The following PRKAR1B variants were observed in gnomAD, a reference collection of about 807,000 sequenced individuals.
PRKAR1B encodes the protein cAMP-dependent protein kinase type I-beta regulatory subunit.
In PRKAR1B, 22 loss-of-function variants were observed where a neutral mutation model predicts 46.5. That is an observed-to-expected ratio of 0.47 (90% CI 0.34 to 0.68). PRKAR1B has a LOEUF of 0.68. PRKAR1B is among the 30% of genes least tolerant of loss of function. The probability of loss-of-function intolerance (pLI) is 0.01; values close to 1 mark genes in which losing one functional copy is unlikely to be tolerated. For synonymous variants in PRKAR1B, 259 were observed against 217.7 expected (o/e 1.19, Z -1.67); for missense variants, 445 against 535.6 (o/e 0.83, Z 1.67).
At chr7:691,294 C>T (rs575448631) in intron 2 of PRKAR1B, among the ~76,000 whole-genome samples, 4 of 152,226 alleles carry the variant, frequency 2.6e-5, no homozygotes, top group African/African-American at 4.8e-5. Context: ...GGTTTCCATC[C>T]GTGAAATGAG....
intron 2 of PRKAR1B, among the ~76,000 whole-genome samples, chr7:690,721 G>A (rs1003040198): frequency 1.3e-5 from 2 of 152,212 alleles, no homozygotes; most frequent in African/African-American, 4.8e-5. Context: ...TGCACACCCA[G>A]AAGACGGGGC....
chr7:673,415 C>T (rs1251031191), intron 4 of PRKAR1B, among the ~76,000 whole-genome samples: 4 of 152,110 alleles, frequency 2.6e-5, no homozygotes, highest in East Asian at 3.9e-4. Context: ...TTTGGGAGGC[C>T]GAGGAGAGTG....
Position 690,268 on chromosome 7 carries a change from C to T in PRKAR1B, c.178-9542G>A, listed in dbSNP as rs182182812. Reference sequence around the variant, plus strand: ...CTGAGATCATGCTATTGCACTCCAGCCTGGGTGACAGAGTGAGACTCTGTC... The same window carrying T: ...CTGAGATCATGCTATTGCACTCCAGTCTGGGTGACAGAGTGAGACTCTGTC... On this transcript the variant is annotated intron_variant, in intron 2 of 10. Transcript: ENST00000537384. Among the ~76,000 whole-genome samples, 28 of 151,650 alleles carry T rather than the reference C, an allele frequency of 1.8e-4. No individual in the cohort carries two copies. In the East Asian group the frequency reaches 4.3e-3, roughly 24 times the overall value.
chr7:625,899 T>A (rs1192794569), intron 4 of PRKAR1B, among the ~76,000 whole-genome samples: 5 of 148,898 alleles, frequency 3.4e-5, no homozygotes, highest in Non-Finnish European at 5.9e-5. Context: ...TCCCAGCTAC[T>A]GGGGAGGCTG....
chr7:661,036 A>G (rs1785518078), intron 4 of PRKAR1B, among the ~76,000 whole-genome samples: 1 of 32,366 alleles, frequency 3.1e-5, no homozygotes, highest in African/African-American at 1.4e-4. Flanking sequence ...CCCCACCCCA[A>G]CGGATCCAAA....
intron 7 of PRKAR1B, among the ~76,000 whole-genome samples, chr7:592,366 G>T (rs779755549): frequency 3.9e-5 from 6 of 152,234 alleles, no homozygotes; most frequent in African/African-American, 1.2e-4. Context: ...TGGAGAAGCC[G>T]CGTCCCTTCC....
chr7:705,443 G>C (rs1009112100), intron 2 of PRKAR1B, among the ~76,000 whole-genome samples: 1 of 151,928 alleles, frequency 6.6e-6, no homozygotes, highest in East Asian at 1.9e-4. Context: ...CGGCTGCTTG[G>C]AACACGAGAT....
intron 9 of PRKAR1B, among the ~76,000 whole-genome samples, chr7:553,110 G>A (rs867766258): frequency 6.0e-4 from 91 of 152,168 alleles, no homozygotes; most frequent in African/African-American, 2.0e-3. Flanking sequence ...CAGGGAAAGC[G>A]TGGGCTGTGT....
chr7:597,221 T>C (rs1026488873), intron 6 of PRKAR1B, among the ~76,000 whole-genome samples: 3 of 152,254 alleles, frequency 2.0e-5, no homozygotes, highest in African/African-American at 7.2e-5. Flanking sequence ...TGGATTGCAA[T>C]GAATCATGGA....
At chr7:590,824 G>A (rs891925482) in intron 7 of PRKAR1B, among the ~76,000 whole-genome samples, 3 of 152,120 alleles carry the variant, frequency 2.0e-5, no homozygotes, top group African/African-American at 4.8e-5. Flanking sequence ...CGCTGCGGGT[G>A]CCTGAACGAA....
At chr7:627,529 C>T (rs112190676) in intron 4 of PRKAR1B, among the ~76,000 whole-genome samples, 31 of 152,112 alleles carry the variant, frequency 2.0e-4, no homozygotes, top group South Asian at 4.1e-4. Flanking sequence ...CCACGGCCAA[C>T]GCCACCCGGC....
At chr7:567,805 T>C (rs573184657) in intron 9 of PRKAR1B, among the ~76,000 whole-genome samples, 1 of 152,008 alleles carries the variant, frequency 6.6e-6, no homozygotes, top group Non-Finnish European at 1.5e-5. Flanking sequence ...ATCTCCCTTA[T>C]AGCAGGCAGT....
intron 3 of PRKAR1B, among the ~76,000 whole-genome samples, chr7:679,441 G>A (rs913893044): frequency 5.9e-5 from 9 of 152,376 alleles, no homozygotes; most frequent in Middle Eastern, 6.8e-3. Flanking sequence ...GGTTCTTCTC[G>A]TGGTTAGACT....
At chr7:706,045 G>A (rs910330741) in intron 2 of PRKAR1B, among the ~76,000 whole-genome samples, 1 of 152,066 alleles carries the variant, frequency 6.6e-6, no homozygotes, top group African/African-American at 2.4e-5. Context: ...AAACAGATGA[G>A]CCGGGCGTGG....
At chr7:673,908 A>G (rs1004705825) in intron 4 of PRKAR1B, among the ~76,000 whole-genome samples, 5 of 152,198 alleles carry the variant, frequency 3.3e-5, no homozygotes, top group Non-Finnish European at 7.3e-5. Flanking sequence ...TCGCCTCTTC[A>G]GGTGGCTGCG....
intron 8 of PRKAR1B, among the ~76,000 whole-genome samples, chr7:581,665 A>T (rs534187244): frequency 6.6e-6 from 1 of 152,324 alleles, no homozygotes; most frequent in East Asian, 1.9e-4. Flanking sequence ...TGGCTACATT[A>T]ATCTTGGATG....
Position 602,755 on chromosome 7 carries a change from C to G in PRKAR1B, c.549+3438G>C. On this transcript the variant is annotated intron_variant, in intron 6 of 10. Coordinates refer to ENST00000537384, the MANE Select transcript of PRKAR1B (RefSeq NM_001164760.2). The surrounding 1 kb of genome is among the most constrained non-coding windows in gnomAD (Gnocchi z 6.4). ...TGCCAGGCGGCCAATGGCTTCCACA[C>G]CAGGGGCCAAGAGCAGAACCCCAGG... 5.9e-6 allele frequency: 1 copy of G among 169,416 alleles called. No homozygotes were observed. The highest frequency in any genetic ancestry group is 1.9e-4 in the East Asian group (1 of 5,202). The allele number at this position is 169,416 out of a possible 1,614,324, so 10.5% of individuals were successfully genotyped here.
At chr7:599,872 G>A (rs1398265747) in intron 6 of PRKAR1B, among the ~76,000 whole-genome samples, 1 of 146,638 alleles carries the variant, frequency 6.8e-6, no homozygotes, top group Non-Finnish European at 1.5e-5. Flanking sequence ...GAGGCACACG[G>A]GCAGGCCCCC....
At chr7:603,470 C>T (rs961891985) in intron 6 of PRKAR1B, among the ~76,000 whole-genome samples, 1 of 152,166 alleles carries the variant, frequency 6.6e-6, no homozygotes, top group Non-Finnish European at 1.5e-5. Context: ...CCCTCTCCCC[C>T]ATTAAGCCAC....
Sources: gnomAD v4.1 joint callset for allele counts (sites outside exome capture counted in the v4.1 genomes callset) on GRCh38, gnomAD v4.1.1 for gene constraint, Gnocchi (gnomAD v3.1) non-coding constraint, MANE v1.5 for transcripts, NCBI Gene and HGNC (gene_info 2026-07-23, HGNC 2026-07-21) for gene names.